Variants in CNOT4 observed in about 807,000 individuals in gnomAD.
CNOT4 encodes CCR4-associated factor 4.
CNOT4 carries 8 observed loss-of-function variants against 73.8 expected under a neutral mutation model. The ratio of observed to expected loss-of-function variants is 0.11; its 90% CI spans 0.06 to 0.20. The LOEUF (loss-of-function observed/expected upper bound fraction) is 0.20, where lower values mean the gene tolerates loss of function less well. Ranked by LOEUF, CNOT4 falls within the 10% of genes least tolerant of loss-of-function variation. The pLI is 1.00. For synonymous variants in CNOT4, 293 were observed against 321.1 expected (o/e 0.91, Z 0.94); for missense variants, 564 against 883.4 (o/e 0.64, Z 4.58).
chr7:135,383,109 A>C (rs770289349), intron 10 of CNOT4, among the ~76,000 whole-genome samples: 1 of 152,196 alleles, frequency 6.6e-6, no homozygotes, highest in African/African-American at 2.4e-5. Context: ...TTCTTACTTT[A>C]TCTCTACTGT....
At chr7:135,500,344 T>C (rs1282229398) in intron 1 of CNOT4, among the ~76,000 whole-genome samples, 1 of 152,072 alleles carries the variant, frequency 6.6e-6, no homozygotes, top group African/African-American at 2.4e-5. Flanking sequence ...AGAAACCTAC[T>C]TTTTTCCCCC....
chr7:135,434,376 C>G (rs977966772), intron 2 of CNOT4, among the ~76,000 whole-genome samples: 3 of 152,198 alleles, frequency 2.0e-5, no homozygotes, highest in African/African-American at 7.2e-5. Context: ...CTGCTGCCTG[C>G]ACTACAAAGT....
intron 10 of CNOT4, among the ~76,000 whole-genome samples, chr7:135,374,023 G>T (rs1023385018): frequency 4.6e-5 from 7 of 152,192 alleles, no homozygotes; most frequent in Admixed American, 3.3e-4. Context: ...GTAGCATTTT[G>T]ACTAGAACTC....
At chr7:135,500,701 T>G (rs1351746510) in intron 1 of CNOT4, among the ~76,000 whole-genome samples, 1 of 152,212 alleles carries the variant, frequency 6.6e-6, no homozygotes, top group Non-Finnish European at 1.5e-5. Context: ...TTTAATGCCC[T>G]ACTTCATCAG....
rs147265229 is a variant in CNOT4, at chr7:135,444,367, A to G, written c.-92-5944T>C. 4.5e-4 allele frequency: 303 copies of G among 680,486 alleles called. 4 individuals carry two copies. In the East Asian group the frequency reaches 7.9e-3, roughly 18 times the overall value. The allele number at this position is 680,486 out of a possible 1,614,324, so 42.2% of individuals were successfully genotyped here. On this transcript the variant is annotated intron_variant, in intron 1 of 11. Coordinates refer to ENST00000541284, the MANE Select transcript of CNOT4 (RefSeq NM_001190850.2). ...TAGCCAAAAAATGGAAAGTAATCCA[A>G]GTGTCCATCAATGGAGGCATACACA...
intron 1 of CNOT4, among the ~76,000 whole-genome samples, chr7:135,453,231 C>G (rs1000769383): frequency 3.3e-5 from 5 of 151,844 alleles, no homozygotes; most frequent in Admixed American, 6.6e-5. Context: ...AAAATTAATC[C>G]AAGGAGAAAC....
chr7:135,388,854 G>A (rs1318950221), intron 10 of CNOT4: 29 of 1,613,020 alleles, frequency 1.8e-5, no homozygotes, highest in Non-Finnish European at 2.5e-5. Context: ...AATGGGAAGA[G>A]GTTGACAGTG....
chr7:135,403,231 T>C (rs150261755), intron 7 of CNOT4, among the ~76,000 whole-genome samples: 194 of 152,338 alleles, frequency 1.3e-3, no homozygotes, highest in African/African-American at 4.4e-3. Context: ...TACTCCCACA[T>C]ATATTCATTT....
chr7:135,372,519 T>C (rs1420218999), intron 10 of CNOT4, among the ~76,000 whole-genome samples: 1 of 152,154 alleles, frequency 6.6e-6, no homozygotes, highest in East Asian at 1.9e-4. Context: ...GTACTGTATG[T>C]TTCCCAAACA....
In CNOT4 at chr7:135,364,607, T is replaced by C. The variant is rs371886236; in HGVS notation, c.1628-541A>G. ...GTGCTTCAGAAGAGAAAAGCAGTAA[T>C]GAACAGGCTTTTGAATTTGAAAAGA... On this transcript the variant is annotated intron_variant, in intron 10 of 11. Transcript: ENST00000541284. The surrounding 1 kb of genome is among the most constrained non-coding windows in gnomAD (Gnocchi z 4.3). Among the ~76,000 whole-genome samples the C allele has an allele frequency of 6.6e-6, 1 of 152,220 alleles. No homozygotes were observed. Among genetic ancestry groups the C allele is most frequent in the Admixed American group, 6.5e-5 (1 of 15,288 alleles).
intron 2 of CNOT4, 58 bp downstream of exon 2, chr7:135,438,100 G>T: frequency 1.1e-6 from 1 of 906,750 alleles, no homozygotes; most frequent in Non-Finnish European, 1.8e-6. Context: ...CATATACATG[G>T]CAGCAAAAAA....
At chr7:135,489,829 C>T (rs183846119) in intron 1 of CNOT4, among the ~76,000 whole-genome samples, 21 of 152,156 alleles carry the variant, frequency 1.4e-4, no homozygotes, top group Admixed American at 1.2e-3. Context: ...ATATTATAAT[C>T]TAAAAGAATG....
chr7:135,391,087 C>T (rs1174388464), intron 10 of CNOT4, among the ~76,000 whole-genome samples: 1 of 152,048 alleles, frequency 6.6e-6, no homozygotes, highest in Non-Finnish European at 1.5e-5. Context: ...ACAACAGGTG[C>T]AAGTGAGTTA....
rs567783032 is a variant in CNOT4 at position 135,390,438 on chromosome 7, CAAT to C, written c.1627+3477_1627+3479del. On this transcript the variant is annotated intron_variant, in intron 10 of 11. Transcript: ENST00000541284. ...TTTGTAGAAAGAAGGCATATGGTTCCAATAATAATAAAAAAAAAGATCTGAATG... is the reference window on the plus strand; with the variant it reads ...TTTGTAGAAAGAAGGCATATGGTTCCAATAATAAAAAAAAAGATCTGAATG... Among the ~76,000 whole-genome samples, 319 of 151,740 alleles carry C rather than the reference CAAT, an allele frequency of 2.1e-3. 1 individual carries two copies. Among genetic ancestry groups the C allele is most frequent in the African/African-American group, 6.9e-3 (285 of 41,404 alleles).
intron 1 of CNOT4, among the ~76,000 whole-genome samples, chr7:135,441,910 A>G (rs1481997138): frequency 1.3e-5 from 2 of 152,218 alleles, no homozygotes; most frequent in Non-Finnish European, 2.9e-5. Context: ...AAAAGTAAGT[A>G]CATTTGTGCA....
Position 135,453,848 on chromosome 7 carries a change from T to TATATATATATATAAA in CNOT4, c.-92-15426_-92-15425insTTTATATATATATAT, listed in dbSNP as rs61345541. Among the ~76,000 whole-genome samples, 85 of 116,712 alleles carry TATATATATATATAAA rather than the reference T, an allele frequency of 7.3e-4. No homozygotes were observed. The East Asian group carries it at 8.7e-3, about 12-fold the overall frequency. 76.6% of individuals were successfully genotyped at this position (116,712 alleles called of 152,430 possible). A position where few individuals can be genotyped will look rare whatever the true frequency, so the allele number is the denominator to read the frequency against. ...ATTTTATATATATATATATATATAT[T>TATATATATATATAAA]ATATATATAGCTGGTACAGCAGCTC... On this transcript the variant is annotated intron_variant, in intron 1 of 11. Transcript: ENST00000541284.
chr7:135,423,616 T>C (rs906383704), intron 2 of CNOT4, among the ~76,000 whole-genome samples: 1 of 152,160 alleles, frequency 6.6e-6, no homozygotes, highest in Non-Finnish European at 1.5e-5. Flanking sequence ...TTCCCTTTTA[T>C]TCCCACTTTC....
In CNOT4 at chr7:135,363,713, C is replaced by A. The variant is rs1024207686; in HGVS notation, c.1840+141G>T. 7.8e-6 allele frequency: 5 copies of A among 643,978 alleles called. No homozygotes were observed. Among genetic ancestry groups the A allele is most frequent in the African/African-American group, 7.3e-5 (4 of 54,584 alleles). 39.9% of individuals were successfully genotyped at this position (643,978 alleles called of 1,614,324 possible). A position where few individuals can be genotyped will look rare whatever the true frequency, so the allele number is the denominator to read the frequency against. ...ACAGGTTAAATGAGACTTGCATGAC[C>A]CCTGAGAACGAAACAAGCCACTCCA... On this transcript the variant is annotated intron_variant, in intron 11 of 11. Coordinates refer to ENST00000541284, the MANE Select transcript of CNOT4 (RefSeq NM_001190850.2). This position sits in a 1 kb window ranked among gnomAD's most constrained non-coding sequence, Gnocchi z 4.3.
chr7:135,486,595 A>G (rs946093331), intron 1 of CNOT4, among the ~76,000 whole-genome samples: 3 of 152,252 alleles, frequency 2.0e-5, no homozygotes, highest in Non-Finnish European at 4.4e-5. Context: ...ATATGAAAAC[A>G]TGTACACAAA....
Sources: gnomAD v4.1 joint callset for allele counts (sites outside exome capture counted in the v4.1 genomes callset) on GRCh38, gnomAD v4.1.1 for gene constraint, Gnocchi (gnomAD v3.1) non-coding constraint, MANE v1.5 for transcripts, NCBI Gene and HGNC (gene_info 2026-07-23, HGNC 2026-07-21) for gene names.